Variants in PLD5 observed in about 807,000 individuals in gnomAD.
PLD5 encodes phospholipase D family member 5.
Under a neutral mutation model 61.1 loss-of-function variants are expected in PLD5, and 36 were observed. That is an observed-to-expected ratio of 0.59 (90% CI 0.45 to 0.78). PLD5 has a LOEUF of 0.78. Among genes scored for constraint, PLD5 ranks in the 30% least tolerant of loss-of-function variants. The pLI is 0.00. For synonymous variants in PLD5, 243 were observed against 242.8 expected (o/e 1.00, Z -0.01); for missense variants, 515 against 644.4 (o/e 0.80, Z 2.17).
At position 242,524,468 on chromosome 1, in the gene PLD5, G is replaced by C. The variant is rs1669383357; in HGVS notation, c.-192C>G. The C allele has an allele frequency of 1.0e-5, 4 of 392,450 alleles. No individual in the cohort carries two copies. The highest frequency in any genetic ancestry group is 4.8e-5 in the Admixed American group (1 of 20,654). 24.3% of individuals were successfully genotyped at this position (392,450 alleles called of 1,614,324 possible). A position where few individuals can be genotyped will look rare whatever the true frequency, so the allele number is the denominator to read the frequency against. On this transcript the variant is annotated 5_prime_UTR_variant, in exon 1 of 10. Coordinates refer to ENST00000536534, the MANE Select transcript of PLD5 (RefSeq NM_001372062.1). Reference sequence around the variant, plus strand: ...GCGCCAGCTGGGAGCGCGGCCGGGCGGGAGGGGGCGATCGCGGGAGGCGCG... The same window carrying C: ...GCGCCAGCTGGGAGCGCGGCCGGGCCGGAGGGGGCGATCGCGGGAGGCGCG...
intron 5 of PLD5, chr1:242,188,791 T>C (rs1165135960): frequency 6.6e-6 from 1 of 152,206 alleles, no homozygotes; most frequent in Non-Finnish European, 1.5e-5. Flanking sequence ...ATTGAGTGTA[T>C]ATTAGCTATC....
At chr1:242,168,221 T>A (rs1666470219) in intron 5 of PLD5, among the ~76,000 whole-genome samples, 1 of 152,246 alleles carries the variant, frequency 6.6e-6, no homozygotes, top group Non-Finnish European at 1.5e-5. Flanking sequence ...CAAACATGTA[T>A]GTCTTTATAC....
chr1:242,156,108 C>T (rs1457268783), intron 5 of PLD5, among the ~76,000 whole-genome samples: 2 of 152,028 alleles, frequency 1.3e-5, no homozygotes, highest in African/African-American at 4.8e-5. Flanking sequence ...TATGTAATGC[C>T]CCTCTTTGTC....
At chr1:242,507,011 C>T (rs1485031430) in intron 1 of PLD5, among the ~76,000 whole-genome samples, 1 of 152,142 alleles carries the variant, frequency 6.6e-6, no homozygotes, top group African/African-American at 2.4e-5. Flanking sequence ...TGAGAGGTGG[C>T]CCAGGCGGCA....
At chr1:242,443,154 G>A (rs550330028) in intron 1 of PLD5, among the ~76,000 whole-genome samples, 1 of 152,150 alleles carries the variant, frequency 6.6e-6, no homozygotes, top group Non-Finnish European at 1.5e-5. Flanking sequence ...ATATACAGAT[G>A]TGATTCCCCC....
At position 242,098,181 on chromosome 1, in the gene PLD5, T is replaced by C. The variant is rs534936252; in HGVS notation, c.1354+2487A>G. ...TTCCAACTTGGTTCCATTCTCCCCG[T>C]CACTTTCAGGTACACCAATCAGACG... On this transcript the variant is annotated intron_variant, in intron 9 of 9. Transcript: ENST00000536534. 8.4e-3 allele frequency among the ~76,000 whole-genome samples: 1,281 copies of C among 152,324 alleles called. 12 individuals carry two copies. The highest frequency in any genetic ancestry group is 0.013 in the Non-Finnish European group (899 of 68,020).
chr1:242,390,599 AGAT>A (rs1662871034), intron 1 of PLD5, among the ~76,000 whole-genome samples: 2 of 152,170 alleles, frequency 1.3e-5, no homozygotes, highest in South Asian at 4.1e-4. Context: ...AAAATAATAG[AGAT>A]GATGTGTGCA....
chr1:242,228,417 G>A (rs147265725), intron 4 of PLD5, among the ~76,000 whole-genome samples: 1 of 152,262 alleles, frequency 6.6e-6, no homozygotes, highest in Non-Finnish European at 1.5e-5. Context: ...GGAAAGCCTA[G>A]GTCCCATGTG....
intron 5 of PLD5, among the ~76,000 whole-genome samples, chr1:242,183,838 TGAGCA>T (rs1667689951): frequency 6.6e-6 from 1 of 152,106 alleles, no homozygotes. Flanking sequence ...GAGCTCGCAG[TGAGCA>T]GAGATCGCGC....
intron 5 of PLD5, among the ~76,000 whole-genome samples, chr1:242,175,875 C>G (rs759645787): frequency 1.3e-5 from 2 of 151,904 alleles, no homozygotes; most frequent in Non-Finnish European, 2.9e-5. Context: ...TAGAACTTAC[C>G]AAGGGGTGTA....
intron 5 of PLD5, among the ~76,000 whole-genome samples, chr1:242,169,027 C>T (rs1294643363): frequency 6.6e-6 from 1 of 151,820 alleles, no homozygotes; most frequent in Non-Finnish European, 1.5e-5. Flanking sequence ...GCTGGGAGTG[C>T]TTTAATTCCC....
intron 5 of PLD5, among the ~76,000 whole-genome samples, chr1:242,133,040 C>A (rs1222831849): frequency 4.0e-5 from 6 of 150,144 alleles, no homozygotes; most frequent in African/African-American, 1.5e-4. Context: ...CCCCCGCACA[C>A]CGCCCACACC....
At chr1:242,410,494 T>C (rs2050257593) in intron 1 of PLD5, among the ~76,000 whole-genome samples, 1 of 152,120 alleles carries the variant, frequency 6.6e-6, no homozygotes, top group Admixed American at 6.5e-5. Flanking sequence ...TTAGTTGACA[T>C]GCTGGAAGAA....
intron 2 of PLD5, among the ~76,000 whole-genome samples, chr1:242,290,349 C>T (rs1454759642): frequency 6.6e-6 from 1 of 150,864 alleles, no homozygotes; most frequent in South Asian, 2.1e-4. Flanking sequence ...GAAAGATATT[C>T]TAGGAGGAGT....
intron 4 of PLD5, among the ~76,000 whole-genome samples, chr1:242,246,122 C>T (rs1475835854): frequency 1.3e-5 from 2 of 152,056 alleles, no homozygotes; most frequent in African/African-American, 4.8e-5. Context: ...AATTCCAGTG[C>T]TTTGGGAGAC....
chr1:242,221,379 G>C (rs1262383276), intron 4 of PLD5, among the ~76,000 whole-genome samples: 1 of 152,114 alleles, frequency 6.6e-6, no homozygotes, highest in Non-Finnish European at 1.5e-5. Context: ...GTATTCCAGG[G>C]GCACACTTCA....
intron 5 of PLD5, among the ~76,000 whole-genome samples, chr1:242,143,266 T>C (rs1664311060): frequency 6.6e-6 from 1 of 152,152 alleles, no homozygotes; most frequent in South Asian, 2.1e-4. Context: ...CTGGCCAGGC[T>C]GGTCTTGAAC....
intron 3 of PLD5, among the ~76,000 whole-genome samples, chr1:242,273,805 G>A (rs1674252222): frequency 6.6e-6 from 1 of 152,216 alleles, no homozygotes; most frequent in Non-Finnish European, 1.5e-5. Flanking sequence ...AGAAGACACT[G>A]TGAAGATGGA....
intron 2 of PLD5, among the ~76,000 whole-genome samples, chr1:242,304,476 G>A (rs1294648204): frequency 6.6e-6 from 1 of 152,198 alleles, no homozygotes; most frequent in Non-Finnish European, 1.5e-5. Flanking sequence ...TTGACACATT[G>A]AAGGGGATGA....
Sources: gnomAD v4.1 joint callset for allele counts (sites outside exome capture counted in the v4.1 genomes callset) on GRCh38, gnomAD v4.1.1 for gene constraint, MANE v1.5 for transcripts, NCBI Gene and HGNC (gene_info 2026-07-23, HGNC 2026-07-21) for gene names.